Variants in HIVEP3 observed in about 807,000 individuals in gnomAD.
HIVEP3 encodes the protein HIVEP zinc finger 3.
HIVEP3 carries 49 observed loss-of-function variants against 152.8 expected under a neutral mutation model. The ratio of observed to expected loss-of-function variants is 0.32; its 90% CI spans 0.26 to 0.41. HIVEP3 has a LOEUF of 0.41. Ranked by LOEUF, HIVEP3 falls within the 10% of genes least tolerant of loss-of-function variation. HIVEP3 has a pLI of 1.00. For missense variants in HIVEP3, 2,790 were observed against 3,103.3 expected, an observed-to-expected ratio of 0.90 and a Z score of 2.40; for synonymous variants, 1,269 against 1,289.0, an observed-to-expected ratio of 0.98 and a Z score of 0.33.
intron 2 of HIVEP3, among the ~76,000 whole-genome samples, chr1:41,687,313 T>TA (rs1646129027): frequency 6.6e-6 from 1 of 152,210 alleles, no homozygotes; most frequent in Non-Finnish European, 1.5e-5. Flanking sequence ...CAAGATGACA[T>TA]AACCTGACTT....
intron 1 of HIVEP3, among the ~76,000 whole-genome samples, chr1:41,867,049 A>C (rs1332333454): frequency 6.6e-6 from 1 of 152,184 alleles, no homozygotes; most frequent in Non-Finnish European, 1.5e-5. Flanking sequence ...CACCACCACC[A>C]TGATGGAGAG....
chr1:41,575,229 A>G (rs1644308659), intron 5 of HIVEP3, among the ~76,000 whole-genome samples: 1 of 152,228 alleles, frequency 6.6e-6, no homozygotes, highest in Non-Finnish European at 1.5e-5. Context: ...GGATACTGGG[A>G]TGGCAACTCC....
Position 41,583,313 on chromosome 1 carries a change from G to A in HIVEP3, c.1485C>T (p.Ser495=). The change falls in exon 4 of 9, where the codon AGC becomes AGT. Residue 495 remains serine (S), a synonymous_variant. Transcript: ENST00000372583. The surrounding 1 kb of genome is among the most constrained non-coding windows in gnomAD (Gnocchi z 6.9). ...KPRRSSLSRR[S]SMESPKSSLY... ...GGCTGGATTTTGGGGACTCCATGCT[G>A]CTGCGCCTGGACAGTGAGCTCCGCC... 1 of 1,611,368 alleles carries A rather than the reference G, an allele frequency of 6.2e-7. No homozygotes were observed.
At chr1:41,655,010 G>C (rs1009089906) in intron 2 of HIVEP3, among the ~76,000 whole-genome samples, 5 of 152,098 alleles carry the variant, frequency 3.3e-5, no homozygotes, top group Non-Finnish European at 7.4e-5. Context: ...CATTTTGAAG[G>C]CTTAAAGCCC....
chr1:41,881,136 C>T (rs1644254514), intron 1 of HIVEP3, among the ~76,000 whole-genome samples: 1 of 152,148 alleles, frequency 6.6e-6, no homozygotes, highest in South Asian at 2.1e-4. Context: ...GTGATGACAA[C>T]AGTGCTGATA....
chr1:41,767,792 G>C (rs2099758), intron 1 of HIVEP3, among the ~76,000 whole-genome samples: 47,420 of 152,094 alleles, frequency 0.31, 8,141 homozygotes, highest in East Asian at 0.47. Flanking sequence ...TGAGCTGGCA[G>C]GGCTTTTGTT....
rs933514636 is a variant in HIVEP3 at position 41,996,651 on chromosome 1, C to T, written n.119+39156G>A. Among the ~76,000 whole-genome samples, 14 of 152,268 alleles carry T rather than the reference C, an allele frequency of 9.2e-5. No individual in the cohort carries two copies. In the South Asian group the frequency reaches 1.5e-3, roughly 16 times the overall value. ...GAATGAACATTCCAGGAGAACCAGG[C>T]TTTTCCTGACTTAGCCCTGTGTATT... is the stretch of plus-strand genomic sequence containing the variant. On this transcript the variant is annotated intron_variant and non_coding_transcript_variant, in intron 1 of 3. Coordinates refer to the HIVEP3 transcript ENST00000489103.
At chr1:41,875,692 T>C (rs1252962437) in intron 1 of HIVEP3, among the ~76,000 whole-genome samples, 1 of 152,212 alleles carries the variant, frequency 6.6e-6, no homozygotes, top group African/African-American at 2.4e-5. Flanking sequence ...GCCCTGTCTC[T>C]GGGCCTCACA....
Position 41,628,739 on chromosome 1 carries a change from C to A in HIVEP3, c.-522+10G>T, listed in dbSNP as rs575388895. ...GGCAAGCATATTCAGCAACAGCCCCCATTTCCTACCTGTGCTGAAGGCACC... is the reference window on the plus strand; with the variant it reads ...GGCAAGCATATTCAGCAACAGCCCCAATTTCCTACCTGTGCTGAAGGCACC... On this transcript the variant is annotated intron_variant, in intron 3 of 8. Transcript: ENST00000372583. 1.6e-6 allele frequency: 2 copies of A among 1,231,974 alleles called. No homozygotes were observed. The highest frequency in any genetic ancestry group is 3.2e-5 in the East Asian group (1 of 31,712). The allele number at this position is 1,231,974 out of a possible 1,614,324, so 76.3% of individuals were successfully genotyped here. A position where few individuals can be genotyped will look rare whatever the true frequency, so the allele number is the denominator to read the frequency against.
At chr1:41,597,805 G>A (rs1207865717) in intron 3 of HIVEP3, among the ~76,000 whole-genome samples, 2 of 152,090 alleles carry the variant, frequency 1.3e-5, no homozygotes, top group South Asian at 4.1e-4. Flanking sequence ...GAAAAGTATC[G>A]ACAGTGTTTA....
intron 1 of HIVEP3, among the ~76,000 whole-genome samples, chr1:41,785,205 T>C (rs1399633166): frequency 6.6e-6 from 1 of 152,210 alleles, no homozygotes; most frequent in Non-Finnish European, 1.5e-5. Flanking sequence ...CTCTTCTCTC[T>C]GGGATCTGTT....
intron 1 of HIVEP3, among the ~76,000 whole-genome samples, chr1:41,720,626 G>A (rs1646661033): frequency 6.6e-6 from 1 of 152,154 alleles, no homozygotes; most frequent in Non-Finnish European, 1.5e-5. Context: ...AGCCACTATG[G>A]GGAACAGTAT....
At chr1:41,829,292 C>T (rs1642893323) in intron 1 of HIVEP3, among the ~76,000 whole-genome samples, 1 of 152,212 alleles carries the variant, frequency 6.6e-6, no homozygotes, top group African/African-American at 2.4e-5. Flanking sequence ...TGATGACACA[C>T]CAAAAATATC....
chr1:41,924,646 C>T (rs4660584), intron 1 of HIVEP3, among the ~76,000 whole-genome samples: 22,493 of 151,458 alleles, frequency 0.15, 1,886 homozygotes, highest in Admixed American at 0.24. Flanking sequence ...AGGTACCTAC[C>T]CACTGGGGTT....
chr1:41,999,989 T>A (rs1645417805), intron 1 of HIVEP3, among the ~76,000 whole-genome samples: 1 of 152,168 alleles, frequency 6.6e-6, no homozygotes, highest in Non-Finnish European at 1.5e-5. Flanking sequence ...AATCTTTTAA[T>A]CACAGTTGAC....
intron 1 of HIVEP3, among the ~76,000 whole-genome samples, chr1:41,844,148 A>G (rs1463331177): frequency 6.6e-6 from 1 of 152,186 alleles, no homozygotes; most frequent in East Asian, 1.9e-4. Flanking sequence ...ACACCAAGGA[A>G]CAAAAGAAGG....
intron 1 of HIVEP3, among the ~76,000 whole-genome samples, chr1:41,818,401 T>C (rs1225669292): frequency 5.9e-5 from 9 of 152,188 alleles, no homozygotes; most frequent in Non-Finnish European, 1.3e-4. Context: ...GTCTGCAGTA[T>C]ATAGTATTTC....
chr1:41,649,050 A>C (rs1185564185), intron 2 of HIVEP3, among the ~76,000 whole-genome samples: 1 of 152,196 alleles, frequency 6.6e-6, no homozygotes, highest in African/African-American at 2.4e-5. Flanking sequence ...GGATCATATA[A>C]TATTAGGATC....
intron 1 of HIVEP3, among the ~76,000 whole-genome samples, chr1:41,868,582 C>A (rs1396942743): frequency 6.6e-6 from 1 of 152,146 alleles, no homozygotes; most frequent in East Asian, 1.9e-4. Context: ...TCCAACTGAA[C>A]TAGTCAATTA....
Sources: allele counts gnomAD v4.1 joint callset (sites outside exome capture counted in the v4.1 genomes callset), GRCh38; gene constraint gnomAD v4.1.1; non-coding constraint Gnocchi (gnomAD v3.1); transcripts MANE v1.5; gene names NCBI Gene and HGNC (gene_info 2026-07-23, HGNC 2026-07-21).